Variants in INTU observed in about 807,000 individuals in gnomAD.
The protein encoded by INTU is inturned planar cell polarity protein.
Under a neutral mutation model 100.5 loss-of-function variants are expected in INTU, and 68 were observed. The ratio of observed to expected loss-of-function variants is 0.68; its 90% CI spans 0.56 to 0.83. The LOEUF (loss-of-function observed/expected upper bound fraction) is 0.83, where lower values mean the gene tolerates loss of function less well. INTU is among the 40% of genes least tolerant of loss of function. The pLI, the probability that INTU is intolerant of heterozygous loss-of-function variation, is 0.00. For synonymous variants in INTU, 357 were observed against 395.7 expected (o/e 0.90, Z 1.16); for missense variants, 1,071 against 1,114.7 (o/e 0.96, Z 0.56).
chr4:127,714,918 G>A (rs932042119), intron 15 of INTU, among the ~76,000 whole-genome samples: 7 of 151,920 alleles, frequency 4.6e-5, no homozygotes, highest in African/African-American at 1.7e-4. Flanking sequence ...GGCAGTGGGC[G>A]GTATGGCAAA....
intron 2 of INTU, among the ~76,000 whole-genome samples, chr4:127,655,831 G>T (rs544796989): frequency 6.6e-6 from 1 of 152,268 alleles, no homozygotes; most frequent in East Asian, 1.9e-4. Context: ...CCTCGCTGCC[G>T]CCTTGCAGTT....
chr4:127,643,517 A>T lies in INTU; in HGVS notation c.147-4A>T, dbSNP rs747951280. On this transcript the variant is annotated splice_region_variant and splice_polypyrimidine_tract_variant and intron_variant, in intron 1 of 15. Coordinates refer to ENST00000335251, the MANE Select transcript of INTU (RefSeq NM_015693.4). Reference sequence around the variant, plus strand: ...ATTAAGATTATCTTTTCTCTCTTTCATAGTGATCTTGAGCCTGAATGGCTG... The same window carrying T: ...ATTAAGATTATCTTTTCTCTCTTTCTTAGTGATCTTGAGCCTGAATGGCTG... 3.8e-5 allele frequency: 60 copies of T among 1,577,642 alleles called. No individual in the cohort carries two copies. Among genetic ancestry groups the T allele is most frequent in the Non-Finnish European group, 5.1e-5 (60 of 1,168,440 alleles).
intron 2 of INTU, among the ~76,000 whole-genome samples, chr4:127,651,300 A>G (rs936209309): frequency 7.2e-5 from 11 of 152,182 alleles, no homozygotes; most frequent in Admixed American, 5.2e-4. Context: ...ACCCGTGCCT[A>G]TGTCTTGAAT....
intron 8 of INTU, among the ~76,000 whole-genome samples, chr4:127,688,891 CT>C (rs1729960251): frequency 6.7e-6 from 1 of 150,104 alleles, no homozygotes; most frequent in Non-Finnish European, 1.5e-5. Context: ...GTCCTTAGCT[CT>C]ATCAACTGCC....
At chr4:127,638,344 T>C (rs1217414474) in intron 1 of INTU, among the ~76,000 whole-genome samples, 1 of 152,164 alleles carries the variant, frequency 6.6e-6, no homozygotes, top group East Asian at 1.9e-4. Flanking sequence ...GAAAAAAGTA[T>C]ACTATAACAG....
chr4:127,657,294 C>T (rs747615313), intron 3 of INTU, among the ~76,000 whole-genome samples: 1 of 152,068 alleles, frequency 6.6e-6, no homozygotes, highest in Non-Finnish European at 1.5e-5. Flanking sequence ...CATTGTGTAT[C>T]GTAGATGATG....
chr4:127,710,991 C>G lies in INTU; in HGVS notation c.2448C>G (p.Thr816=), dbSNP rs531149353. The G allele has an allele frequency of 6.2e-7, 1 of 1,606,420 alleles. No individual in the cohort carries two copies. The highest frequency in any genetic ancestry group is 1.7e-5 in the Admixed American group (1 of 59,834). Reference sequence around the variant, plus strand: ...TGCAAGGAATCTTTATTACTCCTACCCTTGAAGAGGTGGCACAGCTAAGTG... The same window carrying G: ...TGCAAGGAATCTTTATTACTCCTACGCTTGAAGAGGTGGCACAGCTAAGTG... ...ETVQGIFITP[T]LEEVAQLSGS... is the part of the protein sequence containing the mutation. Residue 816 remains threonine (T), a synonymous_variant, in exon 14 of 16, where the codon ACC becomes ACG. Transcript: ENST00000335251.
intron 2 of INTU, among the ~76,000 whole-genome samples, chr4:127,650,046 G>T (rs1351319311): frequency 1.3e-5 from 2 of 152,058 alleles, no homozygotes; most frequent in East Asian, 3.9e-4. Flanking sequence ...ACACGGAAAA[G>T]GAAATTTTTA....
Position 127,656,722 on chromosome 4 carries a change from G to T in INTU, c.768+1G>T. On this transcript the variant is annotated splice_donor_variant, in intron 3 of 15. Transcript: ENST00000335251. LOFTEE classifies it high-confidence loss of function. The stretch of plus-strand genomic sequence containing the variant: ...GTCTTGCATTCCTGGACCTATGCAG[G>T]TATGGACATTCTTTTTCTATATTTT... 2 of 1,562,414 alleles carry T rather than the reference G, an allele frequency of 1.3e-6. No individual in the cohort carries two copies. Among genetic ancestry groups the T allele is most frequent in the Admixed American group, 1.7e-5 (1 of 59,610 alleles).
intron 4 of INTU, among the ~76,000 whole-genome samples, chr4:127,667,276 G>A (rs997877640): frequency 2.6e-5 from 4 of 152,104 alleles, no homozygotes; most frequent in Non-Finnish European, 5.9e-5. Context: ...GTAATTAAGA[G>A]AGGCTTTTAT....
rs373521955 is a variant in INTU at position 127,716,322 on chromosome 4, C to T, written c.2718-3C>T. ...GAAATGAGTGTGTTCTTTTCTTCTG[C>T]AGGAGACTTTTTCTTCATCCAAAAC... On this transcript the variant is annotated splice_polypyrimidine_tract_variant and splice_region_variant and intron_variant, in intron 15 of 15. Coordinates refer to ENST00000335251, the MANE Select transcript of INTU (RefSeq NM_015693.4). 2.1e-6 allele frequency: 3 copies of T among 1,458,810 alleles called. No homozygotes were observed. The highest frequency in any genetic ancestry group is 1.4e-5 in the African/African-American group (1 of 70,730). 90.4% of individuals were successfully genotyped at this position (1,458,810 alleles called of 1,614,324 possible).
rs1046578431 is a variant in INTU, at chr4:127,726,384, G to A, written c.*9948G>A. 1.2e-4 allele frequency: 19 copies of A among 152,140 alleles called. No homozygotes were observed. The highest frequency in any genetic ancestry group is 2.9e-5 in the Non-Finnish European group (2 of 68,030). 9.4% of individuals were successfully genotyped at this position (152,140 alleles called of 1,614,324 possible). ...TGTATGTGTTAATTCTCTCTAAACA[G>A]TGCCTGGCACATATTACATGCTATA... is the stretch of plus-strand genomic sequence containing the variant. On this transcript the variant is annotated 3_prime_UTR_variant, in exon 16 of 16. Coordinates refer to ENST00000335251, the MANE Select transcript of INTU (RefSeq NM_015693.4).
intron 8 of INTU, among the ~76,000 whole-genome samples, chr4:127,697,796 G>A (rs1730460003): frequency 6.6e-6 from 1 of 152,058 alleles, no homozygotes. Context: ...ATCTTCTAAT[G>A]GAAAATATTA....
At chr4:127,634,603 A>G (rs935376807) in intron 1 of INTU, among the ~76,000 whole-genome samples, 9 of 152,186 alleles carry the variant, frequency 5.9e-5, no homozygotes, top group Non-Finnish European at 1.2e-4. Flanking sequence ...AAATACATGT[A>G]TGTATGTTAT....
chr4:127,713,145 G>A (rs552928958), intron 14 of INTU, among the ~76,000 whole-genome samples: 3 of 152,336 alleles, frequency 2.0e-5, no homozygotes, highest in South Asian at 2.1e-4. Context: ...GACATGATCC[G>A]TAATTTTTTT....
intron 8 of INTU, among the ~76,000 whole-genome samples, chr4:127,695,174 G>A (rs77204913): frequency 6.6e-6 from 1 of 152,136 alleles, no homozygotes; most frequent in Admixed American, 6.5e-5. Flanking sequence ...GAGTATGGTA[G>A]TTTTCCTCAT....
At chr4:127,659,016 C>G (rs1728357816) in intron 3 of INTU, among the ~76,000 whole-genome samples, 1 of 151,946 alleles carries the variant, frequency 6.6e-6, no homozygotes. Context: ...AACCTAGATC[C>G]CCCACATGCA....
chr4:127,643,646 G>A lies in INTU; in HGVS notation c.272G>A (p.Ser91Asn). The change falls in exon 2 of 16, where the codon AGT (serine) becomes AAT (asparagine). Residue 91 changes from serine to asparagine, a missense_variant. Coordinates refer to ENST00000335251, the MANE Select transcript of INTU (RefSeq NM_015693.4). Reference protein sequence around the residue: ...ETPTVNHVRFSENEIIIEDDY... With the variant: ...ETPTVNHVRFNENEIIIEDDY... ...CCAACTGTGAACCATGTCAGGTTCA[G>A]TGAAAATGAGATTATCATTGAAGAT... 6.2e-7 allele frequency: 1 copy of A among 1,613,822 alleles called. No individual in the cohort carries two copies. The highest frequency in any genetic ancestry group is 8.5e-7 in the Non-Finnish European group (1 of 1,179,916).
At chr4:127,652,956 G>T (rs1727969063) in intron 2 of INTU, among the ~76,000 whole-genome samples, 1 of 147,966 alleles carries the variant, frequency 6.8e-6, no homozygotes, top group Non-Finnish European at 1.5e-5. Flanking sequence ...TTGGGAGAGT[G>T]TATATGTCGA....
Sources: gnomAD v4.1 joint callset for allele counts (sites outside exome capture counted in the v4.1 genomes callset) on GRCh38, gnomAD v4.1.1 for gene constraint, MANE v1.5 for transcripts, NCBI Gene and HGNC (gene_info 2026-07-23, HGNC 2026-07-21) for gene names.